ALK: variants seen among roughly 807,000 people sequenced by gnomAD.
The protein encoded by ALK is ALK receptor tyrosine kinase.
In ALK, 74 loss-of-function variants were observed where a neutral mutation model predicts 163.1. That is an observed-to-expected ratio of 0.45 (90% CI 0.38 to 0.55). The LOEUF is 0.55. ALK is among the 20% of genes least tolerant of loss of function. The pLI, the probability that ALK is intolerant of heterozygous loss-of-function variation, is 0.00. For synonymous variants in ALK, 960 were observed against 843.2 expected (o/e 1.14, Z -2.40); for missense variants, 2,063 against 2,105.3 (o/e 0.98, Z 0.39).
At chr2:29,899,087 G>C (rs910560462) in intron 1 of ALK, among the ~76,000 whole-genome samples, 1 of 152,112 alleles carries the variant, frequency 6.6e-6, no homozygotes, top group Admixed American at 6.5e-5. Context: ...GGTTTTGTTA[G>C]AACTGCAAAT....
intron 4 of ALK, among the ~76,000 whole-genome samples, chr2:29,468,115 G>T (rs147460604): frequency 6.6e-6 from 1 of 151,660 alleles, no homozygotes; most frequent in East Asian, 1.9e-4. Flanking sequence ...TGCAACCTGC[G>T]CCTACCGGGT....
Position 29,852,832 on chromosome 2 carries a change from TTCTCTCTCTCTCTCTCTC to T in ALK, c.667+67143_667+67160del, listed in dbSNP as rs56348355. On this transcript the variant is annotated intron_variant, in intron 1 of 28. Coordinates refer to ENST00000389048, the MANE Select transcript of ALK (RefSeq NM_004304.5). ...AGAAAGGGATGAAAAGACCAGAGCT[TTCTCTCTCTCTCTCTCTC>T]TCTCTCTCTCTCTCTCTCTCTGCTC... is the stretch of plus-strand genomic sequence containing the variant. Among the ~76,000 whole-genome samples the T allele has an allele frequency of 4.0e-5, 6 of 148,472 alleles. No homozygotes were observed. In the East Asian group the frequency reaches 8.0e-4, roughly 20 times the overall value.
chr2:29,887,896 G>T (rs1259160122), intron 1 of ALK, among the ~76,000 whole-genome samples: 1 of 152,154 alleles, frequency 6.6e-6, no homozygotes, highest in Non-Finnish European at 1.5e-5. Context: ...TACTTCAAAA[G>T]AAAGAAACAT....
intron 3 of ALK, among the ~76,000 whole-genome samples, chr2:29,628,974 C>T (rs547740897): frequency 1.3e-5 from 2 of 152,298 alleles, no homozygotes; most frequent in East Asian, 3.9e-4. Flanking sequence ...AGAGAAGATG[C>T]AGGGAACCAA....
chr2:29,561,437 C>A (rs1253022788), intron 3 of ALK, among the ~76,000 whole-genome samples: 1 of 152,162 alleles, frequency 6.6e-6, no homozygotes, highest in African/African-American at 2.4e-5. Context: ...GGGTGTTGGG[C>A]TGGGCGTGGA....
chr2:29,381,972 G>T (rs906917893), intron 5 of ALK, among the ~76,000 whole-genome samples: 2 of 152,118 alleles, frequency 1.3e-5, no homozygotes, highest in African/African-American at 4.8e-5. Flanking sequence ...TTACACATCC[G>T]TATCAATCAA....
At chr2:29,767,814 G>A (rs538494581) in intron 1 of ALK, among the ~76,000 whole-genome samples, 3 of 152,182 alleles carry the variant, frequency 2.0e-5, no homozygotes, top group Non-Finnish European at 4.4e-5. Context: ...TGTGCCTGGC[G>A]CCATCTGGCC....
At chr2:29,481,625 CTG>C (rs2148118546) in intron 4 of ALK, among the ~76,000 whole-genome samples, 1 of 152,280 alleles carries the variant, frequency 6.6e-6, no homozygotes, top group South Asian at 2.1e-4. Flanking sequence ...CATCTAAAAA[CTG>C]GTGTTGAACA....
At chr2:29,395,042 A>T (rs1234055194) in intron 4 of ALK, among the ~76,000 whole-genome samples, 1 of 152,192 alleles carries the variant, frequency 6.6e-6, no homozygotes, top group Non-Finnish European at 1.5e-5. Context: ...CCCCCACTTC[A>T]GAGCTCCCGG....
At chr2:29,799,368 A>C (rs1352573567) in intron 1 of ALK, among the ~76,000 whole-genome samples, 1 of 152,202 alleles carries the variant, frequency 6.6e-6, no homozygotes, top group Non-Finnish European at 1.5e-5. Context: ...CTTTAAAAAC[A>C]CTAATAAAGT....
At chr2:29,870,812 A>AT (rs985396212) in intron 1 of ALK, among the ~76,000 whole-genome samples, 2 of 152,102 alleles carry the variant, frequency 1.3e-5, no homozygotes, top group Admixed American at 1.3e-4. Context: ...TGTTTTGGTC[A>AT]TTTTTTTAGG....
At chr2:29,741,843 G>A (rs1433911915) in intron 1 of ALK, among the ~76,000 whole-genome samples, 3 of 152,202 alleles carry the variant, frequency 2.0e-5, no homozygotes, top group Non-Finnish European at 4.4e-5. Flanking sequence ...GGACCCTAGT[G>A]GGTAAAGGCT....
intron 4 of ALK, among the ~76,000 whole-genome samples, chr2:29,522,122 G>A (rs77973226): frequency 0.042 from 6,321 of 152,256 alleles, 426 homozygotes; most frequent in African/African-American, 0.14. Context: ...GCTGGCAATA[G>A]GGTAGTTACC....
At chr2:29,564,853 C>G (rs1447112126) in intron 3 of ALK, among the ~76,000 whole-genome samples, 1 of 152,096 alleles carries the variant, frequency 6.6e-6, no homozygotes, top group East Asian at 1.9e-4. Flanking sequence ...TGGTTATTTT[C>G]TAGGGTTCAA....
intron 4 of ALK, among the ~76,000 whole-genome samples, chr2:29,398,250 T>A (rs1669359750): frequency 6.6e-6 from 1 of 152,176 alleles, no homozygotes; most frequent in Non-Finnish European, 1.5e-5. Flanking sequence ...CCCCAAACCC[T>A]CAGGATCATT....
chr2:29,795,988 C>G (rs1407093349), intron 1 of ALK, among the ~76,000 whole-genome samples: 4 of 152,012 alleles, frequency 2.6e-5, no homozygotes, highest in African/African-American at 4.8e-5. Flanking sequence ...CCTTCTTTTC[C>G]TTCCTAATCT....
At chr2:29,243,233 A>G (rs1664570467) in intron 12 of ALK, among the ~76,000 whole-genome samples, 1 of 152,128 alleles carries the variant, frequency 6.6e-6, no homozygotes, top group African/African-American at 2.4e-5. Context: ...GACTGACCCC[A>G]AGAAGAAGCA....
chr2:29,770,886 C>A (rs1341021146), intron 1 of ALK, among the ~76,000 whole-genome samples: 1 of 151,812 alleles, frequency 6.6e-6, no homozygotes, highest in African/African-American at 2.4e-5. Context: ...CACATGCACA[C>A]AGCCACACAC....
At chr2:29,521,874 A>G (rs1251277037) in intron 4 of ALK, among the ~76,000 whole-genome samples, 2 of 152,170 alleles carry the variant, frequency 1.3e-5, no homozygotes, top group Non-Finnish European at 2.9e-5. Flanking sequence ...AAGACAGGAG[A>G]GCGGAGGCCA....
Sources: allele counts gnomAD v4.1 joint callset (sites outside exome capture counted in the v4.1 genomes callset), GRCh38; gene constraint gnomAD v4.1.1; transcripts MANE v1.5; gene names NCBI Gene and HGNC (gene_info 2026-07-23, HGNC 2026-07-21).